The following PIBF1 variants were observed in gnomAD, a reference collection of about 807,000 sequenced individuals.
The protein encoded by PIBF1 is progesterone immunomodulatory binding factor 1.
Under a neutral mutation model 112.5 loss-of-function variants are expected in PIBF1, and 90 were observed. The ratio of observed to expected loss-of-function variants is 0.80; its 90% confidence interval spans 0.67 to 0.95. PIBF1 has a LOEUF of 0.95. Among genes scored for constraint, PIBF1 ranks in the 40% least tolerant of loss-of-function variants. PIBF1 has a pLI of 0.00. For synonymous variants in PIBF1, 301 were observed against 288.6 expected, an observed-to-expected ratio of 1.04 and a Z score of -0.44; for missense variants, 915 against 852.3, an observed-to-expected ratio of 1.07 and a Z score of -0.92.
intron 16 of PIBF1, among the ~76,000 whole-genome samples, chr13:72,997,932 C>T (rs768757807): frequency 6.6e-6 from 1 of 152,122 alleles, no homozygotes; most frequent in Non-Finnish European, 1.5e-5. Flanking sequence ...GACAAATACA[C>T]TTGGGAGCAA....
intron 12 of PIBF1, among the ~76,000 whole-genome samples, chr13:72,916,086 T>C (rs1344083405): frequency 6.6e-6 from 1 of 152,054 alleles, no homozygotes; most frequent in Non-Finnish European, 1.5e-5. Flanking sequence ...GGGGGTTTTT[T>C]TTGATGATGA....
At position 72,827,858 on chromosome 13, in the gene PIBF1, A is replaced by G; in HGVS notation, c.1041A>G (p.Gln347=). The G allele has an allele frequency of 6.3e-7, 1 of 1,593,554 alleles. No individual in the cohort carries two copies. The change falls in exon 8 of 18, where the codon CAA becomes CAG. Residue 347 remains glutamine (Q), a synonymous_variant. Coordinates refer to ENST00000326291, the MANE Select transcript of PIBF1 (RefSeq NM_006346.4). Reference sequence around the variant, plus strand: ...ATCGCCTTGAAAGACTTCAAGCTCAACTGGAAGAAAGCAAAAAGGCTAGAG... The same window carrying G: ...ATCGCCTTGAAAGACTTCAAGCTCAGCTGGAAGAAAGCAAAAAGGCTAGAG... ...EEDRLERLQA[Q]LEESKKAREE...
At chr13:72,910,679 A>G (rs1473972705) in intron 12 of PIBF1, among the ~76,000 whole-genome samples, 4 of 152,220 alleles carry the variant, frequency 2.6e-5, no homozygotes, top group African/African-American at 7.2e-5. Flanking sequence ...ATATATAAAA[A>G]TCAGAAAGGA....
In PIBF1 at chr13:72,827,933, C is replaced by T; in HGVS notation, c.1097+19C>T. ...CATCCAGGCAAGATTTGCATTATTT[C>T]CCACGTAAATAGATACCAATTAACA... On this transcript the variant is annotated intron_variant, in intron 8 of 17. Coordinates refer to ENST00000326291, the MANE Select transcript of PIBF1 (RefSeq NM_006346.4). 6.6e-7 allele frequency: 1 copy of T among 1,518,742 alleles called. No individual in the cohort carries two copies. The highest frequency in any genetic ancestry group is 8.9e-7 in the Non-Finnish European group (1 of 1,125,816). The allele number at this position is 1,518,742 out of a possible 1,614,324, so 94.1% of individuals were successfully genotyped here.
At chr13:72,869,115 G>A (rs1485487149) in intron 10 of PIBF1, among the ~76,000 whole-genome samples, 2 of 151,932 alleles carry the variant, frequency 1.3e-5, no homozygotes, top group African/African-American at 4.8e-5. Context: ...CCCATTACTG[G>A]GTATATACCC....
intron 8 of PIBF1, among the ~76,000 whole-genome samples, chr13:72,832,652 G>A (rs985300418): frequency 6.6e-6 from 1 of 152,048 alleles, no homozygotes; most frequent in African/African-American, 2.4e-5. Context: ...TCTGATGGGC[G>A]TCCTTCCCTT....
chr13:72,892,808 ACG>A (rs1555307873), intron 10 of PIBF1, among the ~76,000 whole-genome samples: 2,554 of 149,620 alleles, frequency 0.017, 33 homozygotes, highest in African/African-American at 0.022. Context: ...ACACACACAC[ACG>A]CACACGCACA....
chr13:72,882,810 A>G (rs1218328881), intron 10 of PIBF1, among the ~76,000 whole-genome samples: 1 of 152,220 alleles, frequency 6.6e-6, no homozygotes, highest in Non-Finnish European at 1.5e-5. Context: ...GAGGATGTGG[A>G]GTAAAGAGAA....
intron 9 of PIBF1, among the ~76,000 whole-genome samples, chr13:72,841,309 A>T (rs1267430269): frequency 1.3e-5 from 2 of 152,202 alleles, no homozygotes; most frequent in Non-Finnish European, 2.9e-5. Flanking sequence ...TATGTGACAG[A>T]AATGTTATGG....
At chr13:72,815,845 A>T (rs986067063) in intron 5 of PIBF1, among the ~76,000 whole-genome samples, 2 of 152,152 alleles carry the variant, frequency 1.3e-5, no homozygotes, top group Admixed American at 6.6e-5. Context: ...GTTAAGGCTT[A>T]TCTCAATTAT....
intron 9 of PIBF1, among the ~76,000 whole-genome samples, chr13:72,850,057 A>T (rs1174398578): frequency 6.6e-6 from 1 of 152,244 alleles, no homozygotes; most frequent in Non-Finnish European, 1.5e-5. Flanking sequence ...TGAATTGGTA[A>T]TATTAAATAA....
intron 10 of PIBF1, among the ~76,000 whole-genome samples, chr13:72,865,950 T>C (rs1272331061): frequency 6.6e-6 from 1 of 152,170 alleles, no homozygotes; most frequent in African/African-American, 2.4e-5. Context: ...ACAACAGAAA[T>C]TTATTCTCCA....
rs184129218 is a variant in PIBF1, at chr13:73,003,181, A to G, written c.2223+4186A>G. Among the ~76,000 whole-genome samples, 373 of 152,170 alleles carry G rather than the reference A, an allele frequency of 2.5e-3. 1 individual carries two copies. The highest frequency in any genetic ancestry group is 4.3e-3 in the Non-Finnish European group (293 of 68,006). ...TAGATTAAGTTTATATAATTGATAC[A>G]TAAGTGGTTATATGAACGACATGAT... On this transcript the variant is annotated intron_variant, in intron 17 of 17. Coordinates refer to ENST00000326291, the MANE Select transcript of PIBF1 (RefSeq NM_006346.4).
intron 9 of PIBF1, among the ~76,000 whole-genome samples, chr13:72,844,793 A>ACACACACG (rs2037792953): frequency 1.5e-5 from 2 of 132,236 alleles, no homozygotes; most frequent in African/African-American, 5.7e-5. Context: ...ACACACACAC[A>ACACACACG]CACACACGGA....
At chr13:73,000,626 G>A (rs1049690789) in intron 17 of PIBF1, among the ~76,000 whole-genome samples, 1 of 152,178 alleles carries the variant, frequency 6.6e-6, no homozygotes, top group Non-Finnish European at 1.5e-5. Context: ...GGGAAATAGG[G>A]TCAGATGAAA....
intron 3 of PIBF1, among the ~76,000 whole-genome samples, chr13:72,794,809 A>C (rs755134002): frequency 6.6e-6 from 1 of 152,228 alleles, no homozygotes; most frequent in Non-Finnish European, 1.5e-5. Context: ...TATTAGTAGC[A>C]TGAGAGCAGA....
At chr13:72,818,701 G>C (rs1201471361) in intron 5 of PIBF1, among the ~76,000 whole-genome samples, 7 of 13,522 alleles carry the variant, frequency 5.2e-4, no homozygotes, top group African/African-American at 7.3e-4. Context: ...TTTTTTTTTT[G>C]CCAGTATCAT....
intron 12 of PIBF1, among the ~76,000 whole-genome samples, chr13:72,913,070 TA>T (rs1278751844): frequency 7.3e-5 from 11 of 151,652 alleles, no homozygotes; most frequent in Non-Finnish European, 1.6e-4. Context: ...TTTTTTTTTT[TA>T]TTTTTAAAAA....
At chr13:72,940,147 A>G (rs2041973645) in intron 14 of PIBF1, among the ~76,000 whole-genome samples, 1 of 152,124 alleles carries the variant, frequency 6.6e-6, no homozygotes, top group Non-Finnish European at 1.5e-5. Context: ...TCAATGAGAT[A>G]TATATTAGGT....
Sources: gnomAD v4.1 joint callset for allele counts (sites outside exome capture counted in the v4.1 genomes callset) on GRCh38, gnomAD v4.1.1 for gene constraint, MANE v1.5 for transcripts, NCBI Gene and HGNC (gene_info 2026-07-23, HGNC 2026-07-21) for gene names.